Variants in CSMD1 observed in about 807,000 individuals in gnomAD.
CSMD1 encodes CUB and sushi domain-containing protein 1.
Under a neutral mutation model 417.5 loss-of-function variants are expected in CSMD1, and 213 were observed. The observed-to-expected ratio is 0.51, with a 90% confidence interval of 0.46 to 0.57. The LOEUF is 0.57. Among genes scored for constraint, CSMD1 ranks in the 20% least tolerant of loss-of-function variants. The pLI is 0.00. For missense variants in CSMD1, 6,923 were observed against 4,529.7 expected (o/e 1.53, Z -15.17); for synonymous variants, 2,862 against 1,736.8 (o/e 1.65, Z -16.11).
intron 10 of CSMD1, among the ~76,000 whole-genome samples, chr8:3,522,693 C>G (rs1028280634): frequency 6.6e-6 from 1 of 151,908 alleles, no homozygotes; most frequent in African/African-American, 2.4e-5. Context: ...ATCAGTCGTC[C>G]CGGTACATTC....
At chr8:4,825,991 G>A (rs905239127) in intron 1 of CSMD1, among the ~76,000 whole-genome samples, 8 of 152,084 alleles carry the variant, frequency 5.3e-5, no homozygotes, top group South Asian at 4.2e-4. Context: ...AAGAACAAGT[G>A]TTGGGGAGGA....
At chr8:3,655,712 T>C (rs1245561119) in intron 7 of CSMD1, among the ~76,000 whole-genome samples, 4 of 150,446 alleles carry the variant, frequency 2.7e-5, no homozygotes, top group Non-Finnish European at 5.9e-5. Flanking sequence ...CCACCCATTC[T>C]AAATGATTTA....
At chr8:3,529,903 G>A (rs1376757345) in intron 10 of CSMD1, among the ~76,000 whole-genome samples, 3 of 152,106 alleles carry the variant, frequency 2.0e-5, no homozygotes, top group African/African-American at 7.2e-5. Context: ...ATGGAAAGCC[G>A]AGGCCTTTCT....
intron 6 of CSMD1, among the ~76,000 whole-genome samples, chr8:3,748,663 G>C (rs188463135): frequency 6.6e-6 from 1 of 152,206 alleles, no homozygotes; most frequent in Non-Finnish European, 1.5e-5. Context: ...GAAAATGTGA[G>C]CATTGGAGAA....
chr8:3,692,044 G>C (rs543494503), intron 7 of CSMD1, among the ~76,000 whole-genome samples: 2 of 152,296 alleles, frequency 1.3e-5, no homozygotes, highest in African/African-American at 2.4e-5. Context: ...GTCACTCAGC[G>C]ATCTGCCTGC....
rs142566975 is a variant in CSMD1, at chr8:4,027,266, G to C, written c.610+4639C>G. On this transcript the variant is annotated intron_variant, in intron 4 of 69. Coordinates refer to ENST00000635120, the MANE Select transcript of CSMD1 (RefSeq NM_033225.6). ...AGTTTGGCTGATAAAAGAAATGTTAGGATGAAGATGGATGTTAGGAGAGAG... is the reference window on the plus strand; with the variant it reads ...AGTTTGGCTGATAAAAGAAATGTTACGATGAAGATGGATGTTAGGAGAGAG... Among the ~76,000 whole-genome samples the C allele has an allele frequency of 1.2e-3, 177 of 152,262 alleles. 1 individual carries two copies. Among genetic ancestry groups the C allele is most frequent in the African/African-American group, 4.2e-3 (174 of 41,552 alleles).
chr8:3,142,746 C>G lies in CSMD1; in HGVS notation c.6032-72G>C, dbSNP rs922300114. The G allele has an allele frequency of 7.9e-6, 10 of 1,272,212 alleles. No individual in the cohort carries two copies. The African/African-American group carries it at 1.5e-4, about 19-fold the overall frequency. 78.8% of individuals were successfully genotyped at this position (1,272,212 alleles called of 1,614,324 possible). ...TAAAATCAATGCTCATAAAAAGGGA[C>G]TGAAGTGTTAGCAGTCTCCCCAGAC... On this transcript the variant is annotated intron_variant, in intron 40 of 69. Transcript: ENST00000635120.
intron 5 of CSMD1, among the ~76,000 whole-genome samples, chr8:3,755,306 C>G (rs1490439557): frequency 6.6e-6 from 1 of 152,136 alleles, no homozygotes; most frequent in Non-Finnish European, 1.5e-5. Flanking sequence ...ATAAACTGGA[C>G]ACGAAAATAC....
At chr8:4,132,052 G>A (rs1432431900) in intron 3 of CSMD1, among the ~76,000 whole-genome samples, 2 of 152,108 alleles carry the variant, frequency 1.3e-5, no homozygotes, top group East Asian at 1.9e-4. Context: ...CATAACAAAG[G>A]TAAAAGCAAA....
intron 25 of CSMD1, among the ~76,000 whole-genome samples, chr8:3,301,856 T>C (rs1404842623): frequency 1.3e-5 from 2 of 152,104 alleles, no homozygotes; most frequent in African/African-American, 4.8e-5. Context: ...AGGAAAGTCA[T>C]GGGAATTCAT....
At chr8:4,237,160 A>T (rs1802116011) in intron 3 of CSMD1, among the ~76,000 whole-genome samples, 1 of 152,066 alleles carries the variant, frequency 6.6e-6, no homozygotes, top group East Asian at 1.9e-4. Flanking sequence ...ACTGATTGAA[A>T]CTCATCAAGC....
intron 3 of CSMD1, among the ~76,000 whole-genome samples, chr8:4,320,569 T>G (rs1799215714): frequency 6.6e-6 from 1 of 152,108 alleles, no homozygotes; most frequent in African/African-American, 2.4e-5. Flanking sequence ...CCATGTGTTC[T>G]CTTTGTTCAA....
intron 3 of CSMD1, among the ~76,000 whole-genome samples, chr8:4,128,524 C>A (rs1387793908): frequency 6.6e-6 from 1 of 152,082 alleles, no homozygotes; most frequent in African/African-American, 2.4e-5. Context: ...CTTACTCAAA[C>A]CCCCTCCTAT....
chr8:4,684,228 T>C (rs1806228159), intron 1 of CSMD1, among the ~76,000 whole-genome samples: 1 of 152,238 alleles, frequency 6.6e-6, no homozygotes, highest in African/African-American at 2.4e-5. Context: ...GATTTTCTTC[T>C]TTATACTTCG....
In CSMD1 at chr8:3,902,214, A is replaced by G. The variant is rs577426144; in HGVS notation, c.818+95689T>C. ...CACTTCTGATACTTCAGCATTTTCT[A>G]TGATTTTCAGCCCATTGACCACCTC... is the stretch of plus-strand genomic sequence containing the variant. On this transcript the variant is annotated intron_variant, in intron 5 of 69. Transcript: ENST00000635120. Among the ~76,000 whole-genome samples, 159 of 152,260 alleles carry G rather than the reference A, an allele frequency of 1.0e-3. 2 individuals are homozygous for G. The highest frequency in any genetic ancestry group is 1.1e-3 in the African/African-American group (46 of 41,560).
chr8:3,605,029 G>C (rs1222660505), intron 8 of CSMD1, among the ~76,000 whole-genome samples: 1 of 151,628 alleles, frequency 6.6e-6, no homozygotes, highest in Non-Finnish European at 1.5e-5. Flanking sequence ...TTTTTCTTTT[G>C]AGGAGTCACT....
At chr8:3,312,718 C>T (rs891087245) in intron 23 of CSMD1, among the ~76,000 whole-genome samples, 4 of 152,134 alleles carry the variant, frequency 2.6e-5, no homozygotes, top group Admixed American at 6.5e-5. Flanking sequence ...CCAGCTTAGT[C>T]GCCTGCTAGG....
At chr8:4,378,253 C>A (rs1347699710) in intron 3 of CSMD1, among the ~76,000 whole-genome samples, 2 of 152,194 alleles carry the variant, frequency 1.3e-5, no homozygotes, top group Non-Finnish European at 2.9e-5. Flanking sequence ...TTTCTATTAA[C>A]ATTTGTCAAT....
Position 4,460,703 on chromosome 8 carries a change from T to C in CSMD1, c.303-40638A>G, listed in dbSNP as rs73514612. Among the ~76,000 whole-genome samples the C allele has an allele frequency of 5.4e-3, 816 of 152,216 alleles. 2 individuals are homozygous for C. The highest frequency in any genetic ancestry group is 0.018 in the African/African-American group (766 of 41,550). On this transcript the variant is annotated intron_variant, in intron 2 of 69. Transcript: ENST00000635120. ...TATAAACATCTGGTAGTCAACAAAC[T>C]GGATGACTACAAAAATACAAATTAC...
Sources: gnomAD v4.1 joint callset for allele counts (sites outside exome capture counted in the v4.1 genomes callset) on GRCh38, gnomAD v4.1.1 for gene constraint, MANE v1.5 for transcripts, NCBI Gene and HGNC (gene_info 2026-07-23, HGNC 2026-07-21) for gene names.